The following ATR variants were observed in gnomAD, a reference collection of about 807,000 sequenced individuals.
ATR encodes the protein serine/threonine-protein kinase ATR.
Under a neutral mutation model 305.3 loss-of-function variants are expected in ATR, and 142 were observed. The ratio of observed to expected loss-of-function variants is 0.47; its 90% CI spans 0.41 to 0.53. The LOEUF is 0.53. Ranked by LOEUF, ATR falls within the 20% of genes least tolerant of loss-of-function variation. The pLI, the probability that ATR is intolerant of heterozygous loss-of-function variation, is 0.00. For synonymous variants in ATR, 1,050 were observed against 1,068.1 expected (o/e 0.98, Z 0.33); for missense variants, 2,135 against 3,133.1 (o/e 0.68, Z 7.60).
In ATR at chr3:142,542,581, C is replaced by G. The variant is rs981358852; in HGVS notation, c.3450+84G>C. ...AATGTCATATTTGGTTATTTCTCAT[C>G]TTTGAATGTTTGTAGCTAGATGCAG... On this transcript the variant is annotated intron_variant, in intron 17 of 46. Transcript: ENST00000350721. The G allele has an allele frequency of 4.6e-5, 56 of 1,230,698 alleles. No homozygotes were observed. The Admixed American group carries it at 1.0e-3, about 22-fold the overall frequency. 76.2% of individuals were successfully genotyped at this position (1,230,698 alleles called of 1,614,324 possible).
intron 21 of ATR, among the ~76,000 whole-genome samples, chr3:142,531,186 G>A (rs1378847855): frequency 1.3e-5 from 2 of 152,148 alleles, no homozygotes; most frequent in Non-Finnish European, 2.9e-5. Flanking sequence ...CAGAAATTCA[G>A]ATGTAGGCAT....
intron 36 of ATR, among the ~76,000 whole-genome samples, chr3:142,479,542 T>C (rs1289130627): frequency 6.6e-6 from 1 of 152,220 alleles, no homozygotes; most frequent in African/African-American, 2.4e-5. Context: ...ATTTCAACTT[T>C]GGTGAATCTG....
At chr3:142,488,623 T>C (rs2031094353) in intron 35 of ATR, among the ~76,000 whole-genome samples, 1 of 152,178 alleles carries the variant, frequency 6.6e-6, no homozygotes. Flanking sequence ...TCTGGTAGTG[T>C]AAGATATTAA....
chr3:142,575,311 C>T (rs2035399374), intron 1 of ATR, among the ~76,000 whole-genome samples: 1 of 151,946 alleles, frequency 6.6e-6, no homozygotes, highest in South Asian at 2.1e-4. Flanking sequence ...ATGGTAAAAC[C>T]CCATCTTCAC....
chr3:142,568,238 A>G, intron 1 of ATR, 84 bp from the exon 2 acceptor site: 1 of 990,210 alleles, frequency 1.0e-6, no homozygotes, highest in African/African-American at 1.6e-5. Context: ...AGAACTCATC[A>G]AATGTGTTCA....
intron 1 of ATR, among the ~76,000 whole-genome samples, chr3:142,576,017 G>C (rs890606502): frequency 2.0e-5 from 3 of 152,186 alleles, no homozygotes; most frequent in South Asian, 4.1e-4. Flanking sequence ...TTACTGAGTG[G>C]AAAATCTATT....
At chr3:142,559,801 A>C (rs2034811590) in intron 6 of ATR, among the ~76,000 whole-genome samples, 1 of 152,132 alleles carries the variant, frequency 6.6e-6, no homozygotes, top group African/African-American at 2.4e-5. Context: ...GCTACATGGG[A>C]GGCTCACTTG....
chr3:142,460,677 G>A (rs1037984132), intron 42 of ATR, among the ~76,000 whole-genome samples: 1 of 151,952 alleles, frequency 6.6e-6, no homozygotes, highest in Non-Finnish European at 1.5e-5. Flanking sequence ...AATTTGTTAT[G>A]GCAAATACCA....
At position 142,459,084 on chromosome 3, in the gene ATR, A is replaced by T. The variant is rs2108260550; in HGVS notation, c.7377T>A (p.Arg2459=). The T allele has an allele frequency of 2.5e-6, 4 of 1,614,066 alleles. No homozygotes were observed. Among genetic ancestry groups the T allele is most frequent in the Non-Finnish European group, 3.4e-6 (4 of 1,179,906 alleles). The part of the protein sequence containing the change: ...SWYSSRSAYC[R]STAVMSMVGY... ...CAACCATTGACATTACTGCAGTGGA[A>T]CGGCAGTAAGCTGATCTACTACTGT... is the stretch of plus-strand genomic sequence containing the variant. Residue 2459 remains arginine, a synonymous_variant, in exon 44 of 47, where the codon CGT becomes CGA. Coordinates refer to ENST00000350721, the MANE Select transcript of ATR (RefSeq NM_001184.4).
chr3:142,541,071 A>T (rs759017606), intron 17 of ATR, 37 bp from the exon 18 acceptor site: 1 of 1,611,910 alleles, frequency 6.2e-7, no homozygotes, highest in Non-Finnish European at 8.5e-7. Flanking sequence ...TAAAGCTTAT[A>T]AACATGCTGC....
Position 142,513,585 on chromosome 3 carries a change from C to T in ATR, c.4557G>A (p.Lys1519=). 6.2e-7 allele frequency: 1 copy of T among 1,613,468 alleles called. No individual in the cohort carries two copies. The highest frequency in any genetic ancestry group is 8.5e-7 in the Non-Finnish European group (1 of 1,179,574). The change falls in exon 26 of 47, where the codon AAG becomes AAA. Residue 1519 remains lysine, a synonymous_variant. Transcript: ENST00000350721. ...GATAGATGGTCACTTTGAAATCATG[C>T]TTCATCATAATGCTACAGCAGGTGA... ...KIFTCCSIMM[K]HDFKVTIYLL... is the part of the protein sequence containing the mutation.
At chr3:142,491,959 G>A (rs7630115) in intron 35 of ATR, among the ~76,000 whole-genome samples, 75,685 of 151,898 alleles carry the variant, frequency 0.5, 20,012 homozygotes, top group African/African-American at 0.7. Context: ...TTTCCTATCT[G>A]TGGCTCAAAT....
intron 39 of ATR, 53 bp from the exon 40 acceptor site, chr3:142,466,586 A>G (rs1429457487): frequency 1.3e-6 from 2 of 1,501,988 alleles, no homozygotes; most frequent in Non-Finnish European, 1.8e-6. Context: ...ATTCCACTAT[A>G]ACAAAAATTT....
chr3:142,487,188 G>A (rs2030997140), intron 35 of ATR, among the ~76,000 whole-genome samples: 1 of 152,098 alleles, frequency 6.6e-6, no homozygotes, highest in African/African-American at 2.4e-5. Context: ...CCTGGCTGGT[G>A]TGCAGTGGCA....
rs2108477361 is a variant in ATR at position 142,558,665 on chromosome 3, G to C, written c.1844C>G (p.Ala615Gly). 6.2e-7 allele frequency: 1 copy of C among 1,613,350 alleles called. No homozygotes were observed. The highest frequency in any genetic ancestry group is 8.5e-7 in the Non-Finnish European group (1 of 1,179,602). ...CCTACAGCTTAATGTTAGAAGATTA[G>C]CGGCAAATGTGGTCAACTTTAAACA... is the stretch of plus-strand genomic sequence containing the variant. ...DGCLKLTTFA[A>G]NLLTLSCRIS... Residue 615 changes from alanine (A) to glycine (G), a missense_variant, in exon 8 of 47, where the codon GCT becomes GGT. Transcript: ENST00000350721.
intron 36 of ATR, among the ~76,000 whole-genome samples, chr3:142,474,856 G>A (rs2071395257): frequency 6.6e-6 from 1 of 151,782 alleles, no homozygotes; most frequent in Non-Finnish European, 1.5e-5. Flanking sequence ...TATCTTTGGG[G>A]TTATCATACA....
intron 3 of ATR, 48 bp downstream of exon 3, chr3:142,566,073 G>T (rs944520711): frequency 1.2e-6 from 2 of 1,611,188 alleles, no homozygotes; most frequent in African/African-American, 1.3e-5. Flanking sequence ...GTAAAAGGAG[G>T]ATTTTATAGA....
chr3:142,501,336 A>G (rs2031951748), intron 30 of ATR, among the ~76,000 whole-genome samples: 1 of 152,166 alleles, frequency 6.6e-6, no homozygotes, highest in Admixed American at 6.5e-5. Context: ...CTCTCAACTA[A>G]TCTGGAGAAA....
chr3:142,477,551 C>A (rs1309626738), intron 36 of ATR, among the ~76,000 whole-genome samples: 1 of 152,072 alleles, frequency 6.6e-6, no homozygotes, highest in East Asian at 1.9e-4. Context: ...GTTTAAAATT[C>A]TCTTTTTTTG....
Sources: allele counts gnomAD v4.1 joint callset (sites outside exome capture counted in the v4.1 genomes callset), GRCh38; gene constraint gnomAD v4.1.1; transcripts MANE v1.5; gene names NCBI Gene and HGNC (gene_info 2026-07-23, HGNC 2026-07-21).